RNMT: variants seen among roughly 807,000 people sequenced by gnomAD.
RNMT encodes the protein RNA guanine-7 methyltransferase, also known as mRNA cap guanine-N(7) methyltransferase.
Under a neutral mutation model 56.0 loss-of-function variants are expected in RNMT, and 27 were observed. The ratio of observed to expected loss-of-function variants is 0.48; its 90% CI spans 0.36 to 0.67. RNMT has a LOEUF of 0.67. RNMT is among the 30% of genes least tolerant of loss of function. The pLI is 0.00. For synonymous variants in RNMT, 184 were observed against 176.2 expected (o/e 1.04, Z -0.35); for missense variants, 519 against 552.1 (o/e 0.94, Z 0.60).
At chr18:13,738,588 A>G (rs911697433) in intron 5 of RNMT, among the ~76,000 whole-genome samples, 1 of 152,182 alleles carries the variant, frequency 6.6e-6, no homozygotes, top group African/African-American at 2.4e-5. Flanking sequence ...AAATCCATTA[A>G]TCTGTCTTGC....
At chr18:13,752,484 A>G (rs1385365307) in intron 10 of RNMT, 57 bp downstream of exon 10, 1 of 1,030,842 alleles carries the variant, frequency 9.7e-7, no homozygotes, top group Non-Finnish European at 1.5e-6. Context: ...ACATGCTTAT[A>G]TGGAGACATA....
In RNMT at chr18:13,762,290, C is replaced by A; in HGVS notation, c.*2311C>A. The A allele has an allele frequency of 2.7e-6, 3 of 1,095,958 alleles. No homozygotes were observed. Among genetic ancestry groups the A allele is most frequent in the African/African-American group, 1.6e-5 (1 of 63,008 alleles). 67.9% of individuals were successfully genotyped at this position (1,095,958 alleles called of 1,614,324 possible). A position where few individuals can be genotyped will look rare whatever the true frequency, so the allele number is the denominator to read the frequency against. On this transcript the variant is annotated 3_prime_UTR_variant, in exon 12 of 12. Coordinates refer to ENST00000383314, the MANE Select transcript of RNMT (RefSeq NM_003799.3). The stretch of plus-strand genomic sequence containing the variant: ...GAATGCTGATGTTGAATTCTTTGGG[C>A]CTAGAATATACTTGAGAAAGCACTA...
At position 13,761,397 on chromosome 18, in the gene RNMT, CAT is replaced by C. The variant is rs2044616851; in HGVS notation, c.*1421_*1422del. On this transcript the variant is annotated 3_prime_UTR_variant, in exon 12 of 12. Coordinates refer to ENST00000383314, the MANE Select transcript of RNMT (RefSeq NM_003799.3). ...GTGGGGAAAGGAAGTCTTCCTGTCA[CAT>C]ATGCAGGTTCGTTTTCATTCTAGGG... The C allele has an allele frequency of 1.0e-6, 1 of 985,480 alleles. No individual in the cohort carries two copies. The highest frequency in any genetic ancestry group is 6.1e-5 in the Admixed American group (1 of 16,282). The allele number at this position is 985,480 out of a possible 1,614,324, so 61.0% of individuals were successfully genotyped here.
At chr18:13,752,647 G>A (rs1374076234) in intron 10 of RNMT, among the ~76,000 whole-genome samples, 1 of 152,122 alleles carries the variant, frequency 6.6e-6, no homozygotes. Context: ...AGGCAATGAG[G>A]ACAGTGAAAA....
chr18:13,741,460 A>G, intron 6 of RNMT, 50 bp from the exon 7 acceptor site: 1 of 1,344,840 alleles, frequency 7.4e-7, no homozygotes. Flanking sequence ...AAAGTTTTTA[A>G]TCTTTGTTGT....
rs537655267 is a variant in RNMT at position 13,756,258 on chromosome 18, T to TA, written c.1393+2112dup. On this transcript the variant is annotated intron_variant, in intron 11 of 11. Coordinates refer to ENST00000383314, the MANE Select transcript of RNMT (RefSeq NM_003799.3). Reference sequence around the variant, plus strand: ...TTAAATCCCAATTGAAATGCCTGCATAGAAGGCATTTTATACAATAAGTGG... The same window carrying TA: ...TTAAATCCCAATTGAAATGCCTGCATAAGAAGGCATTTTATACAATAAGTGG... 1.1e-4 allele frequency among the ~76,000 whole-genome samples: 17 copies of TA among 152,338 alleles called. No individual in the cohort carries two copies. The East Asian group carries it at 1.2e-3, about 10-fold the overall frequency.
chr18:13,753,555 A>G (rs1399738745), intron 10 of RNMT, among the ~76,000 whole-genome samples: 2 of 152,070 alleles, frequency 1.3e-5, no homozygotes, highest in East Asian at 3.9e-4. Flanking sequence ...GCGGATCACA[A>G]CGTCAGGAGA....
In RNMT at chr18:13,763,816, C is replaced by T. The variant is rs2044647300; in HGVS notation, c.*3837C>T. The stretch of plus-strand genomic sequence containing the variant: ...GCCCAGATGACTCCTCACCCATCCA[C>T]CACCTGCAGCTTGAGATGTTAACTA... On this transcript the variant is annotated 3_prime_UTR_variant, in exon 12 of 12. Coordinates refer to ENST00000383314, the MANE Select transcript of RNMT (RefSeq NM_003799.3). 6.6e-6 allele frequency: 1 copy of T among 152,322 alleles called. No homozygotes were observed. Among genetic ancestry groups the T allele is most frequent in the South Asian group, 2.1e-4 (1 of 4,830 alleles). 9.4% of individuals were successfully genotyped at this position (152,322 alleles called of 1,614,324 possible).
intron 3 of RNMT, 90 bp from the exon 4 acceptor site, chr18:13,734,374 G>A (rs572727029): frequency 6.1e-6 from 7 of 1,145,282 alleles, no homozygotes; most frequent in African/African-American, 1.6e-5. Context: ...AATTCTAATA[G>A]CATTTTATCC....
Position 13,734,469 on chromosome 18 carries a change from G to A in RNMT, c.423G>A (p.Leu141=), listed in dbSNP as rs1568499736. 6.2e-7 allele frequency: 1 copy of A among 1,601,434 alleles called. No homozygotes were observed. ...CTATTCTCTTTTATTTTCAGAATCT[G>A]GAAGAAGGACACAGCTCAACAGTGG... ...LEDVPEKQKN[L]EEGHSSTVAA... The change falls in exon 4 of 12, where the codon CTG becomes CTA. Residue 141 remains leucine (L), a synonymous_variant. Transcript: ENST00000383314.
chr18:13,734,529 G>A lies in RNMT; in HGVS notation c.483G>A (p.Leu161=), dbSNP rs1344263114. The A allele has an allele frequency of 6.2e-7, 1 of 1,613,698 alleles. No homozygotes were observed. The highest frequency in any genetic ancestry group is 1.1e-5 in the South Asian group (1 of 91,014). The change falls in exon 4 of 12, where the codon TTG becomes TTA. Residue 161 remains leucine, a synonymous_variant. Transcript: ENST00000383314. ...AHYNELQEVG[L]EKRSQSRIFY... ...ACAATGAACTTCAGGAAGTTGGTTT[G>A]GAGAAGCGTAGTCAAAGTCGTATTT...
At chr18:13,732,907 G>A (rs1295298520) in intron 3 of RNMT, among the ~76,000 whole-genome samples, 3 of 151,662 alleles carry the variant, frequency 2.0e-5, no homozygotes, top group Non-Finnish European at 2.9e-5. Context: ...GACTACAGGT[G>A]CCCACCACCA....
chr18:13,741,734 A>G (rs1161287059), intron 7 of RNMT, 43 bp downstream of exon 7: 2 of 1,268,232 alleles, frequency 1.6e-6, no homozygotes, highest in African/African-American at 1.5e-5. Context: ...AATATTCAGT[A>G]TTAAGTAGCA....
intron 11 of RNMT, 37 bp from the exon 12 acceptor site, chr18:13,759,905 A>G (rs963320704): frequency 3.9e-6 from 6 of 1,523,880 alleles, no homozygotes; most frequent in East Asian, 2.3e-5. Flanking sequence ...TATTGTAATC[A>G]TATGAGAAAC....
At chr18:13,727,662 C>T (rs1409813543) in intron 1 of RNMT, among the ~76,000 whole-genome samples, 1 of 152,050 alleles carries the variant, frequency 6.6e-6, no homozygotes, top group Non-Finnish European at 1.5e-5. Context: ...TAACTGTGTC[C>T]ACCCCACTGT....
chr18:13,760,174 A>G lies in RNMT; in HGVS notation c.*195A>G, dbSNP rs2149110692. ...ACTTTTGCATGTGTATATAAGAATG[A>G]GTTGGGACCTCTGTCTTTAAAAATC... is the stretch of plus-strand genomic sequence containing the variant. On this transcript the variant is annotated 3_prime_UTR_variant, in exon 12 of 12. Transcript: ENST00000383314. 7.8e-7 allele frequency: 1 copy of G among 1,284,884 alleles called. No homozygotes were observed. Among genetic ancestry groups the G allele is most frequent in the East Asian group, 3.0e-5 (1 of 33,416 alleles). 79.6% of individuals were successfully genotyped at this position (1,284,884 alleles called of 1,614,324 possible). A position where few individuals can be genotyped will look rare whatever the true frequency, so the allele number is the denominator to read the frequency against.
chr18:13,737,657 AT>A (rs2044184937), intron 5 of RNMT, among the ~76,000 whole-genome samples: 1 of 152,160 alleles, frequency 6.6e-6, no homozygotes, highest in African/African-American at 2.4e-5. Flanking sequence ...GGTCGGAGTC[AT>A]GTCTAAAGGG....
chr18:13,735,175 G>T lies in RNMT; in HGVS notation c.553+576G>T, dbSNP rs550799725. ...AAGTAGACTCTTAGATAAATTTAGA[G>T]AACTTTAAAAAGTGGTTTGTTTTAA... On this transcript the variant is annotated intron_variant, in intron 4 of 11. Coordinates refer to ENST00000383314, the MANE Select transcript of RNMT (RefSeq NM_003799.3). 3.4e-4 allele frequency among the ~76,000 whole-genome samples: 51 copies of T among 152,176 alleles called. No individual in the cohort carries two copies. In the Middle Eastern group the frequency reaches 0.01, roughly 30 times the overall value.
chr18:13,728,300 CTTTTTTTTTT>C (rs1204415985), intron 1 of RNMT, among the ~76,000 whole-genome samples: 2 of 109,616 alleles, frequency 1.8e-5, no homozygotes, highest in Admixed American at 1.2e-4. Context: ...TCATCAGCAT[CTTTTTTTTTT>C]TTTTTTTTTT....
Sources: gnomAD v4.1 joint callset for allele counts (sites outside exome capture counted in the v4.1 genomes callset) on GRCh38, gnomAD v4.1.1 for gene constraint, MANE v1.5 for transcripts, NCBI Gene and HGNC (gene_info 2026-07-23, HGNC 2026-07-21) for gene names.